Variants in ERC2 observed in about 807,000 individuals in gnomAD.
ERC2 encodes ERC protein 2.
In ERC2, 42 loss-of-function variants were observed where a neutral mutation model predicts 114.8. The observed-to-expected ratio is 0.37, with a 90% CI of 0.29 to 0.47. The LOEUF is 0.47. Among genes scored for constraint, ERC2 ranks in the 20% least tolerant of loss-of-function variants. ERC2 has a pLI of 0.99. For missense variants in ERC2, 939 were observed against 1,150.7 expected, an observed-to-expected ratio of 0.82 and a Z score of 2.66; for synonymous variants, 454 against 425.5, an observed-to-expected ratio of 1.07 and a Z score of -0.82.
At chr3:55,537,616 C>T (rs1289389646) in intron 17 of ERC2, among the ~76,000 whole-genome samples, 1 of 152,202 alleles carries the variant, frequency 6.6e-6, no homozygotes, top group Non-Finnish European at 1.5e-5. Context: ...AGGCTGCATA[C>T]TCTGGGTCAA....
intron 17 of ERC2, among the ~76,000 whole-genome samples, chr3:55,605,334 G>A (rs1050642356): frequency 9.2e-5 from 14 of 152,178 alleles, no homozygotes; most frequent in African/African-American, 3.1e-4. Context: ...GGCCTCAAGT[G>A]ATCCTCCCAC....
intron 14 of ERC2, among the ~76,000 whole-genome samples, chr3:55,839,599 T>C (rs1575794330): frequency 6.6e-6 from 1 of 151,838 alleles, no homozygotes; most frequent in Non-Finnish European, 1.5e-5. Context: ...ATGCTCTACA[T>C]GAAATGGTAT....
chr3:55,776,108 T>C (rs997708967), intron 14 of ERC2, among the ~76,000 whole-genome samples: 2 of 152,130 alleles, frequency 1.3e-5, no homozygotes, highest in South Asian at 4.1e-4. Flanking sequence ...ACACATACTT[T>C]TTTTTTTCTT....
intron 2 of ERC2, among the ~76,000 whole-genome samples, chr3:56,372,717 C>T (rs1038249816): frequency 1.3e-5 from 2 of 151,806 alleles, no homozygotes; most frequent in Admixed American, 6.6e-5. Flanking sequence ...GACAGAGAGA[C>T]ACTCTGCCTT....
At chr3:55,997,794 T>C (rs2071639926) in intron 10 of ERC2, among the ~76,000 whole-genome samples, 1 of 148,898 alleles carries the variant, frequency 6.7e-6, no homozygotes. Context: ...TTAAAATATA[T>C]CAATACCAGG....
intron 7 of ERC2, among the ~76,000 whole-genome samples, chr3:56,022,861 C>T (rs2073814380): frequency 6.6e-6 from 1 of 152,184 alleles, no homozygotes; most frequent in African/African-American, 2.4e-5. Context: ...TTGACTTGAG[C>T]TGCCTTCTGG....
chr3:56,339,154 C>G (rs2057984458), intron 2 of ERC2, among the ~76,000 whole-genome samples: 1 of 152,176 alleles, frequency 6.6e-6, no homozygotes, highest in Non-Finnish European at 1.5e-5. Flanking sequence ...TAATAACATG[C>G]AAGTCTTTCT....
In ERC2 at chr3:56,443,573, T is replaced by C. The variant is rs1175938757; in HGVS notation, c.-140-8426A>G. 5.3e-5 allele frequency among the ~76,000 whole-genome samples: 8 copies of C among 152,252 alleles called. No homozygotes were observed. In the East Asian group the frequency reaches 1.4e-3, roughly 26 times the overall value. ...AGCCTCATAATTCCTACTTGTTCTG[T>C]TGAGTCACTCGCACCCTCCCCCATG... On this transcript the variant is annotated intron_variant, in intron 1 of 17. Transcript: ENST00000288221.
rs138718660 is a variant in ERC2, at chr3:55,873,410, T to C, written c.2564+14979A>G. Among the ~76,000 whole-genome samples, 315 of 152,264 alleles carry C rather than the reference T, an allele frequency of 2.1e-3. 1 individual carries two copies. The highest frequency in any genetic ancestry group is 7.2e-3 in the African/African-American group (301 of 41,556). On this transcript the variant is annotated intron_variant, in intron 14 of 17. Transcript: ENST00000288221. ...AGCCTCTGTTGCCCGAAATGTAAAATAGAGATGATAACAGTACTTATCTTG... is the reference window on the plus strand; with the variant it reads ...AGCCTCTGTTGCCCGAAATGTAAAACAGAGATGATAACAGTACTTATCTTG...
At chr3:56,361,113 T>A (rs1334571634) in intron 2 of ERC2, among the ~76,000 whole-genome samples, 1 of 152,114 alleles carries the variant, frequency 6.6e-6, no homozygotes, top group African/African-American at 2.4e-5. Context: ...AGGGGCTGAT[T>A]GTGAAAATTT....
intron 6 of ERC2, among the ~76,000 whole-genome samples, chr3:56,085,146 G>T (rs76730497): frequency 0.013 from 1,998 of 152,284 alleles, 36 homozygotes; most frequent in African/African-American, 0.03. Flanking sequence ...GTCAGGGAAG[G>T]ATGATGATAT....
chr3:56,091,097 G>A (rs1330334159), intron 6 of ERC2, among the ~76,000 whole-genome samples: 1 of 152,052 alleles, frequency 6.6e-6, no homozygotes, highest in Non-Finnish European at 1.5e-5. Flanking sequence ...TTCGCTCTGG[G>A]TGTTCTATGG....
intron 1 of ERC2, among the ~76,000 whole-genome samples, chr3:56,438,832 T>C (rs2107419710): frequency 6.6e-6 from 1 of 152,344 alleles, no homozygotes; most frequent in Admixed American, 6.5e-5. Flanking sequence ...TTTACCTGCC[T>C]ACCTGGCCAA....
chr3:56,007,511 A>G (rs2072589458), intron 9 of ERC2, among the ~76,000 whole-genome samples, 190 bp from the exon 10 acceptor site: 1 of 152,144 alleles, frequency 6.6e-6, no homozygotes, highest in Non-Finnish European at 1.5e-5. Flanking sequence ...CAGAACGAGT[A>G]GGATCTAATT....
chr3:56,121,962 C>T (rs930339769), intron 6 of ERC2, among the ~76,000 whole-genome samples: 30 of 152,296 alleles, frequency 2.0e-4, no homozygotes, highest in African/African-American at 7.2e-4. Flanking sequence ...CAGCCCCACT[C>T]CAGGGCAGAG....
At chr3:55,599,539 C>T (rs2058305121) in intron 17 of ERC2, among the ~76,000 whole-genome samples, 1 of 152,126 alleles carries the variant, frequency 6.6e-6, no homozygotes, top group Non-Finnish European at 1.5e-5. Context: ...TGTGTTTTTG[C>T]AGATTTGAGG....
intron 13 of ERC2, among the ~76,000 whole-genome samples, chr3:55,933,382 T>C (rs1158377622): frequency 2.6e-5 from 4 of 152,184 alleles, no homozygotes; most frequent in East Asian, 3.9e-4. Flanking sequence ...CAAGTTTTAA[T>C]TGCAAAATTT....
chr3:56,024,603 A>AGGGAGGCTTAGAAAC (rs2073932372), intron 7 of ERC2, among the ~76,000 whole-genome samples: 1 of 152,224 alleles, frequency 6.6e-6, no homozygotes, highest in Admixed American at 6.5e-5. Context: ...ATACAGCCCA[A>AGGGAGGCTTAGAAAC]CTGCAAGGGA....
chr3:56,231,172 C>T (rs748840224), intron 3 of ERC2, among the ~76,000 whole-genome samples: 17 of 152,158 alleles, frequency 1.1e-4, no homozygotes, highest in African/African-American at 2.4e-4. Context: ...TCTGCTCTGA[C>T]GCCAGATTAA....
Sources: allele counts gnomAD v4.1 joint callset (sites outside exome capture counted in the v4.1 genomes callset), GRCh38; gene constraint gnomAD v4.1.1; transcripts MANE v1.5; gene names NCBI Gene and HGNC (gene_info 2026-07-23, HGNC 2026-07-21).